The following PDXDC1 variants were observed in gnomAD, a reference collection of about 807,000 sequenced individuals.
The protein encoded by PDXDC1 is pyridoxal dependent decarboxylase domain containing 1.
In PDXDC1, 42 loss-of-function variants were observed where a neutral mutation model predicts 100.1. The observed-to-expected ratio is 0.42, with a 90% CI of 0.33 to 0.54. PDXDC1 has a LOEUF of 0.54. Ranked by LOEUF, PDXDC1 falls within the 20% of genes least tolerant of loss-of-function variation. The pLI is 0.10. For synonymous variants in PDXDC1, 260 were observed against 371.7 expected, an observed-to-expected ratio of 0.70 and a Z score of 3.46; for missense variants, 636 against 979.2, an observed-to-expected ratio of 0.65 and a Z score of 4.68.
chr16:15,043,032 C>T (rs1008168305), downstream of PDXDC1, among the ~76,000 whole-genome samples: 5 of 152,062 alleles, frequency 3.3e-5, no homozygotes, highest in African/African-American at 7.2e-5. Context: ...TCCCAAGTAG[C>T]TGGGATTACA....
At chr16:15,056,959 C>G (rs1567174377) in intron 16 of PDXDC1, among the ~76,000 whole-genome samples, 2 of 152,150 alleles carry the variant, frequency 1.3e-5, no homozygotes, top group Admixed American at 1.3e-4. Flanking sequence ...AGCCCCTAAT[C>G]TGAGGACAGG....
At chr16:15,074,226 G>A (rs1351841791) in intron 16 of PDXDC1, among the ~76,000 whole-genome samples, 2 of 152,092 alleles carry the variant, frequency 1.3e-5, no homozygotes, top group African/African-American at 4.8e-5. Context: ...CTATTATTCT[G>A]ACTCACTGAG....
At chr16:15,024,864 C>A (rs146622043) in intron 13 of PDXDC1, among the ~76,000 whole-genome samples, 1 of 152,424 alleles carries the variant, frequency 6.6e-6, no homozygotes, top group East Asian at 1.9e-4. Context: ...ATCACTCTTA[C>A]TACTATCTGA....
intron 6 of PDXDC1, among the ~76,000 whole-genome samples, chr16:15,006,898 A>G (rs1330568599): frequency 6.6e-6 from 1 of 152,280 alleles, no homozygotes; most frequent in Non-Finnish European, 1.5e-5. Flanking sequence ...TTTAATAATA[A>G]TTTTTCAAAG....
chr16:14,987,412 G>T (rs995556796), intron 1 of PDXDC1, among the ~76,000 whole-genome samples: 1 of 152,288 alleles, frequency 6.6e-6, no homozygotes, highest in African/African-American at 2.4e-5. Context: ...TTTGGGGCTT[G>T]TGAGGAAGTA....
At chr16:15,123,170 C>A (rs1031972110) in intron 16 of PDXDC1, among the ~76,000 whole-genome samples, 4 of 150,948 alleles carry the variant, frequency 2.6e-5, no homozygotes, top group African/African-American at 7.3e-5. Flanking sequence ...TCCCTGATGA[C>A]CCCGGTGGTG....
At chr16:15,086,015 G>A (rs1049551246) in intron 16 of PDXDC1, 18 of 728,078 alleles carry the variant, frequency 2.5e-5, no homozygotes, top group African/African-American at 2.3e-4. Flanking sequence ...ACCAGACCTG[G>A]TGCCAATATG....
intron 16 of PDXDC1, among the ~76,000 whole-genome samples, chr16:15,043,816 C>T (rs916492685): frequency 2.6e-5 from 4 of 151,882 alleles, no homozygotes; most frequent in African/African-American, 4.8e-5. Flanking sequence ...GGTGTGGTGG[C>T]GCACGCCTGT....
chr16:14,991,252 T>G (rs1970719292), intron 1 of PDXDC1, among the ~76,000 whole-genome samples: 2 of 151,706 alleles, frequency 1.3e-5, no homozygotes, highest in African/African-American at 4.8e-5. Flanking sequence ...ATATGTATTA[T>G]ATATGTATAT....
rs745932508 is a variant in PDXDC1, at chr16:15,038,091, G to T, written c.*1816G>T. Reference sequence around the variant, plus strand: ...CATCTTCATTTTTTTTGTAGAGTAGGGCTTTATTTCCAGAAAACAGTGTGT... The same window carrying T: ...CATCTTCATTTTTTTTGTAGAGTAGTGCTTTATTTCCAGAAAACAGTGTGT... On this transcript the variant is annotated 3_prime_UTR_variant, in exon 23 of 23. Transcript: ENST00000396410. The T allele has an allele frequency of 6.2e-7, 1 of 1,612,822 alleles. No individual in the cohort carries two copies. The highest frequency in any genetic ancestry group is 1.1e-5 in the South Asian group (1 of 91,020).
intron 16 of PDXDC1, among the ~76,000 whole-genome samples, chr16:15,058,882 G>A (rs2044617622): frequency 6.6e-6 from 1 of 152,094 alleles, no homozygotes; most frequent in Non-Finnish European, 1.5e-5. Flanking sequence ...AGATCCTTTT[G>A]CTGGCCTCCC....
At chr16:15,072,259 AAAG>A (rs1167064106) in intron 16 of PDXDC1, among the ~76,000 whole-genome samples, 35 of 151,570 alleles carry the variant, frequency 2.3e-4, no homozygotes, top group East Asian at 1.2e-3. Context: ...AAAAAAAAAA[AAAG>A]AAGAAGAAGA....
chr16:15,001,619 A>G (rs1973170564), intron 3 of PDXDC1, among the ~76,000 whole-genome samples, 157 bp from the exon 4 acceptor site: 1 of 152,302 alleles, frequency 6.6e-6, no homozygotes. Flanking sequence ...TTTGTTTTTT[A>G]AAAAGCATAA....
At chr16:15,047,199 C>A (rs1014053178) in intron 16 of PDXDC1, 6 of 522,572 alleles carry the variant, frequency 1.1e-5, no homozygotes, top group Admixed American at 6.9e-5. Flanking sequence ...GAGACGACAT[C>A]AAGTTCAAAG....
chr16:15,059,997 T>TAA (rs11330937), intron 16 of PDXDC1: 12 of 162,814 alleles, frequency 7.4e-5, no homozygotes, highest in Middle Eastern at 2.7e-3. Context: ...TACATTAAAT[T>TAA]AAAAAAAAAA....
At position 15,102,964 on chromosome 16, in the gene PDXDC1, C is replaced by G. The variant is rs959841349; in HGVS notation, c.1400-35915C>G. Among the ~76,000 whole-genome samples, 5 of 145,000 alleles carry G rather than the reference C, an allele frequency of 3.4e-5. 1 individual carries two copies. Among genetic ancestry groups the G allele is most frequent in the African/African-American group, 1.3e-4 (5 of 37,054 alleles). The stretch of plus-strand genomic sequence containing the variant: ...AGGAAATACAAATTAAAAAACCAGC[C>G]GGGCATGCTGGCGTGTGCCTGTAGT... On this transcript the variant is annotated intron_variant, in intron 16 of 16. Coordinates refer to the PDXDC1 transcript ENST00000535621.
At chr16:15,027,778 A>G (rs1465646625) in intron 14 of PDXDC1, among the ~76,000 whole-genome samples, 1 of 152,282 alleles carries the variant, frequency 6.6e-6, no homozygotes, top group Non-Finnish European at 1.5e-5. Flanking sequence ...CTGGCCATCC[A>G]GCCACTTCTG....
downstream of PDXDC1, among the ~76,000 whole-genome samples, chr16:15,039,554 A>T (rs2151685075): frequency 6.6e-6 from 1 of 152,308 alleles, no homozygotes; most frequent in East Asian, 1.9e-4. Flanking sequence ...TTTTGGGTTA[A>T]TTAAATTGTT....
intron 16 of PDXDC1, among the ~76,000 whole-genome samples, chr16:15,051,673 G>A (rs1397682831): frequency 3.5e-5 from 5 of 143,334 alleles, no homozygotes; most frequent in African/African-American, 5.2e-5. Context: ...ATGAGCCACT[G>A]TGCCCAGCCT....
Sources: gnomAD v4.1 joint callset for allele counts (sites outside exome capture counted in the v4.1 genomes callset) on GRCh38, gnomAD v4.1.1 for gene constraint, MANE v1.5 for transcripts, NCBI Gene and HGNC (gene_info 2026-07-23, HGNC 2026-07-21) for gene names.